The following PTPRT variants were observed in gnomAD, a reference collection of about 807,000 sequenced individuals.
PTPRT encodes protein tyrosine phosphatase receptor type T.
A neutral mutation model predicts 176.8 loss-of-function variants in PTPRT; 56 were observed. The observed-to-expected ratio is 0.32, with a 90% CI of 0.26 to 0.40. PTPRT has a LOEUF of 0.40. Among genes scored for constraint, PTPRT ranks in the 10% least tolerant of loss-of-function variants. PTPRT has a pLI of 1.00. For missense variants in PTPRT, 1,540 were observed against 1,908.2 expected, an observed-to-expected ratio of 0.81 and a Z score of 3.60; for synonymous variants, 783 against 739.0, an observed-to-expected ratio of 1.06 and a Z score of -0.96.
intron 2 of PTPRT, among the ~76,000 whole-genome samples, chr20:42,806,902 C>G (rs2077617879): frequency 6.6e-6 from 1 of 152,206 alleles, no homozygotes; most frequent in Admixed American, 6.5e-5. Context: ...GCCTGGTTCT[C>G]TGACACTATG....
chr20:42,392,031 G>T (rs866374934), intron 9 of PTPRT, among the ~76,000 whole-genome samples: 3 of 152,110 alleles, frequency 2.0e-5, no homozygotes, highest in South Asian at 2.1e-4. Flanking sequence ...ACACTGTACT[G>T]CTGCACCCAC....
At chr20:42,630,662 A>G (rs1454802103) in intron 7 of PTPRT, among the ~76,000 whole-genome samples, 1 of 152,206 alleles carries the variant, frequency 6.6e-6, no homozygotes, top group Non-Finnish European at 1.5e-5. Context: ...ATTTAATTTA[A>G]AATCATACAT....
At chr20:42,931,232 G>A (rs1187649907) in intron 1 of PTPRT, among the ~76,000 whole-genome samples, 1 of 152,150 alleles carries the variant, frequency 6.6e-6, no homozygotes, top group African/African-American at 2.4e-5. Flanking sequence ...GGTAATTAAG[G>A]TTGAATGAAG....
At chr20:42,975,121 G>C (rs1231138903) in intron 1 of PTPRT, among the ~76,000 whole-genome samples, 1 of 151,908 alleles carries the variant, frequency 6.6e-6, no homozygotes, top group African/African-American at 2.4e-5. Flanking sequence ...CAAAGGACAA[G>C]AGATTAAAAA....
chr20:42,806,663 T>C (rs576206), intron 2 of PTPRT, among the ~76,000 whole-genome samples: 3 of 152,020 alleles, frequency 2.0e-5, no homozygotes, highest in Non-Finnish European at 4.4e-5. Context: ...AATTCTACTG[T>C]TGGGGTGTGA....
chr20:42,191,822 T>C (rs1310788536), intron 16 of PTPRT, among the ~76,000 whole-genome samples: 1 of 152,162 alleles, frequency 6.6e-6, no homozygotes, highest in Non-Finnish European at 1.5e-5. Context: ...GAATACATTA[T>C]GAGAAAAGAT....
At chr20:42,566,715 G>C (rs2073046144) in intron 7 of PTPRT, among the ~76,000 whole-genome samples, 1 of 152,136 alleles carries the variant, frequency 6.6e-6, no homozygotes, top group African/African-American at 2.4e-5. Context: ...TATTGCTCCT[G>C]TTGCCAATCC....
At position 42,357,750 on chromosome 20, in the gene PTPRT, A is replaced by G. The variant is rs966352439; in HGVS notation, c.1561-5465T>C. On this transcript the variant is annotated intron_variant, in intron 9 of 30. Transcript: ENST00000373187. The stretch of plus-strand genomic sequence containing the variant: ...ACAGCGAGACCCCATCTCTACACCA[A>G]TTTGTTTTAAAAAACTAGCTGGGCA... Among the ~76,000 whole-genome samples the G allele has an allele frequency of 1.2e-3, 183 of 152,136 alleles. 1 individual carries two copies. Among genetic ancestry groups the G allele is most frequent in the Non-Finnish European group, 9.9e-4 (67 of 67,984 alleles).
At chr20:42,746,527 T>C (rs6103028) in intron 6 of PTPRT, among the ~76,000 whole-genome samples, 3,413 of 152,142 alleles carry the variant, frequency 0.022, 131 homozygotes, top group African/African-American at 0.078. Flanking sequence ...AGTCATGAAA[T>C]GATGGTCCTA....
At chr20:42,387,967 T>C (rs915219115) in intron 9 of PTPRT, among the ~76,000 whole-genome samples, 1 of 152,090 alleles carries the variant, frequency 6.6e-6, no homozygotes, top group African/African-American at 2.4e-5. Flanking sequence ...ATTTTTTGTA[T>C]TTTTAGCAGA....
chr20:42,565,251 C>A (rs760050967), intron 7 of PTPRT, among the ~76,000 whole-genome samples: 2 of 152,156 alleles, frequency 1.3e-5, no homozygotes, highest in South Asian at 2.1e-4. Flanking sequence ...AACTGAGAAG[C>A]AAACCCCACG....
At chr20:42,898,998 C>T (rs756734921) in intron 1 of PTPRT, among the ~76,000 whole-genome samples, 9 of 152,160 alleles carry the variant, frequency 5.9e-5, no homozygotes, top group Non-Finnish European at 4.4e-5. Flanking sequence ...TTCCCAAAAA[C>T]AGCATGGGAG....
intron 1 of PTPRT, among the ~76,000 whole-genome samples, chr20:43,044,457 C>T (rs1001099532): frequency 6.6e-6 from 1 of 152,076 alleles, no homozygotes; most frequent in African/African-American, 2.4e-5. Context: ...ACTCCTGCTG[C>T]GATCAGTACA....
chr20:42,183,975 T>C (rs1414895273), intron 16 of PTPRT, among the ~76,000 whole-genome samples: 1 of 152,118 alleles, frequency 6.6e-6, no homozygotes, highest in Non-Finnish European at 1.5e-5. Context: ...AGAGAGTGAT[T>C]CCAGCCTACC....
chr20:42,106,952 T>A, intron 23 of PTPRT, 31 bp from the exon 24 acceptor site: 2 of 1,605,664 alleles, frequency 1.2e-6, no homozygotes. Flanking sequence ...GTGTTAAGGA[T>A]CTTCATGGGG....
chr20:42,194,828 C>A (rs1476382010), intron 16 of PTPRT, among the ~76,000 whole-genome samples: 3 of 152,122 alleles, frequency 2.0e-5, no homozygotes, highest in African/African-American at 4.8e-5. Context: ...CACCCTAGAG[C>A]CCTGGAGGTC....
intron 2 of PTPRT, among the ~76,000 whole-genome samples, chr20:42,857,849 T>G (rs1345436481): frequency 6.6e-6 from 1 of 152,234 alleles, no homozygotes; most frequent in Admixed American, 6.5e-5. Flanking sequence ...TGTCTTCTCC[T>G]GCAGAAGGTG....
At chr20:42,265,727 G>T (rs1048506982) in intron 13 of PTPRT, among the ~76,000 whole-genome samples, 1 of 152,148 alleles carries the variant, frequency 6.6e-6, no homozygotes, top group African/African-American at 2.4e-5. Flanking sequence ...CCCTTGGAGG[G>T]TCACTGAAGC....
chr20:43,006,415 CT>C (rs1984856276), intron 1 of PTPRT, among the ~76,000 whole-genome samples: 1 of 152,156 alleles, frequency 6.6e-6, no homozygotes, highest in African/African-American at 2.4e-5. Flanking sequence ...TTCATATGGG[CT>C]TTCACCCCAA....
Sources: gnomAD v4.1 joint callset for allele counts (sites outside exome capture counted in the v4.1 genomes callset) on GRCh38, gnomAD v4.1.1 for gene constraint, MANE v1.5 for transcripts, NCBI Gene and HGNC (gene_info 2026-07-23, HGNC 2026-07-21) for gene names.